MAGI2: variants seen among roughly 807,000 people sequenced by gnomAD.
MAGI2 encodes the protein membrane associated guanylate kinase, WW and PDZ domain containing 2.
A neutral mutation model predicts 133.3 loss-of-function variants in MAGI2; 35 were observed. The observed-to-expected ratio is 0.26, with a 90% CI of 0.20 to 0.35. The LOEUF is 0.35. Among genes scored for constraint, MAGI2 ranks in the 10% least tolerant of loss-of-function variants. The pLI, the probability that MAGI2 is intolerant of heterozygous loss-of-function variation, is 1.00. For missense variants in MAGI2, 1,636 were observed against 1,863.4 expected (o/e 0.88, Z 2.25); for synonymous variants, 729 against 710.6 (o/e 1.03, Z -0.41).
intron 2 of MAGI2, among the ~76,000 whole-genome samples, chr7:78,910,269 T>C (rs965794056): frequency 4.9e-5 from 7 of 142,980 alleles, no homozygotes; most frequent in African/African-American, 2.0e-4. Flanking sequence ...AATTCTTTTT[T>C]TTTTTTTTTT....
In MAGI2 at chr7:78,867,570, T is replaced by C. The variant is rs371522364; in HGVS notation, c.418+139520A>G. On this transcript the variant is annotated intron_variant, in intron 2 of 21. Coordinates refer to ENST00000354212, the MANE Select transcript of MAGI2 (RefSeq NM_012301.4). ...GTGGGGGGAGGGGGGAGGGATAGCATTGGGAGATATACCTAATGCTAGATG... is the reference window on the plus strand; with the variant it reads ...GTGGGGGGAGGGGGGAGGGATAGCACTGGGAGATATACCTAATGCTAGATG... Among the ~76,000 whole-genome samples, 10 of 147,664 alleles carry C rather than the reference T, an allele frequency of 6.8e-5. No homozygotes were observed. The South Asian group carries it at 1.8e-3, about 26-fold the overall frequency.
chr7:79,404,803 CT>C (rs1209151993), intron 1 of MAGI2, among the ~76,000 whole-genome samples: 2 of 152,128 alleles, frequency 1.3e-5, no homozygotes, highest in African/African-American at 2.4e-5. Flanking sequence ...CCCAAATTCC[CT>C]GTCTAATTAA....
At chr7:78,563,286 G>A (rs2150744024) in intron 3 of MAGI2, among the ~76,000 whole-genome samples, 1 of 152,206 alleles carries the variant, frequency 6.6e-6, no homozygotes, top group Non-Finnish European at 1.5e-5. Context: ...TACTAGCTTG[G>A]GGAAATTTTA....
intron 3 of MAGI2, among the ~76,000 whole-genome samples, chr7:78,526,429 G>A (rs1333081979): frequency 1.3e-5 from 2 of 152,158 alleles, no homozygotes; most frequent in Non-Finnish European, 2.9e-5. Flanking sequence ...TACTTGTGAA[G>A]AATCATCTAT....
intron 21 of MAGI2, among the ~76,000 whole-genome samples, chr7:78,056,524 G>C (rs1213221898): frequency 6.6e-6 from 1 of 152,140 alleles, no homozygotes; most frequent in Non-Finnish European, 1.5e-5. Flanking sequence ...GCAGAAACAT[G>C]GTTGGAGCTG....
At chr7:79,449,774 C>G (rs1849106158) in intron 1 of MAGI2, among the ~76,000 whole-genome samples, 1 of 151,312 alleles carries the variant, frequency 6.6e-6, no homozygotes. Flanking sequence ...GGATTAAAAG[C>G]AGAAAGCTTA....
intron 1 of MAGI2, among the ~76,000 whole-genome samples, chr7:79,282,990 G>C (rs1191609844): frequency 6.6e-6 from 1 of 152,128 alleles, no homozygotes; most frequent in Non-Finnish European, 1.5e-5. Context: ...ATGCTTGAAA[G>C]AATGCCAGAT....
chr7:78,317,784 GAGGA>G (rs1787577757), intron 9 of MAGI2, among the ~76,000 whole-genome samples: 1 of 152,204 alleles, frequency 6.6e-6, no homozygotes, highest in Admixed American at 6.5e-5. Flanking sequence ...GAAGCTTCCA[GAGGA>G]AGGAACAGGC....
intron 2 of MAGI2, among the ~76,000 whole-genome samples, chr7:78,930,414 T>C (rs1275204618): frequency 4.6e-5 from 7 of 152,096 alleles, no homozygotes; most frequent in African/African-American, 1.7e-4. Flanking sequence ...ACAGAAATAA[T>C]GTTAGTGAGA....
At chr7:79,181,012 A>G (rs1024458124) in intron 1 of MAGI2, among the ~76,000 whole-genome samples, 1 of 151,946 alleles carries the variant, frequency 6.6e-6, no homozygotes, top group Admixed American at 6.6e-5. Flanking sequence ...GGTCTTGGGC[A>G]GCTCCACCTC....
At chr7:78,274,497 T>C (rs989593705) in intron 9 of MAGI2, among the ~76,000 whole-genome samples, 18 of 152,318 alleles carry the variant, frequency 1.2e-4, no homozygotes, top group South Asian at 4.1e-4. Flanking sequence ...TCTTCAGAGC[T>C]GTCAGGCAGG....
chr7:78,223,800 G>A (rs1016555845), intron 10 of MAGI2, among the ~76,000 whole-genome samples: 1 of 151,950 alleles, frequency 6.6e-6, no homozygotes, highest in Non-Finnish European at 1.5e-5. Flanking sequence ...GAGAATTTAT[G>A]CATTTTTGAA....
chr7:79,206,670 T>C (rs531893466), intron 1 of MAGI2, among the ~76,000 whole-genome samples: 1 of 152,066 alleles, frequency 6.6e-6, no homozygotes, highest in African/African-American at 2.4e-5. Flanking sequence ...ATTCTCAAAC[T>C]CTTCCAAAAA....
chr7:79,130,576 G>T (rs1820843590), intron 1 of MAGI2, among the ~76,000 whole-genome samples: 1 of 152,150 alleles, frequency 6.6e-6, no homozygotes, highest in Non-Finnish European at 1.5e-5. Context: ...TGAGAGTCTA[G>T]TGTCTACTTC....
At chr7:78,561,430 T>C (rs938354052) in intron 3 of MAGI2, among the ~76,000 whole-genome samples, 1 of 152,122 alleles carries the variant, frequency 6.6e-6, no homozygotes, top group Admixed American at 6.5e-5. Context: ...GCCTCCAAAG[T>C]TTTCAGTCAC....
chr7:79,225,789 A>C (rs1431305567), intron 1 of MAGI2, among the ~76,000 whole-genome samples: 1 of 152,182 alleles, frequency 6.6e-6, no homozygotes, highest in Admixed American at 6.5e-5. Context: ...AATCCATGCA[A>C]ATTAAACTGC....
Position 78,019,447 on chromosome 7 carries a change from G to C in MAGI2, c.4236C>G (p.Pro1412=). ...CCCCCGGGGGTCGCGGGCCCGGCCGGGGACCCGCGCGCGCACCCGCCCTGC... is the reference window on the plus strand; with the variant it reads ...CCCCCGGGGGTCGCGGGCCCGGCCGCGGACCCGCGCGCGCACCCGCCCTGC... The part of the protein sequence containing the change: ...AEGRAGARAG[P]RPGPRPPGGA... Residue 1412 remains proline, a synonymous_variant, in exon 22 of 22, where the codon CCC becomes CCG. Transcript: ENST00000354212. The C allele has an allele frequency of 1.0e-6, 1 of 985,798 alleles. No homozygotes were observed. 61.1% of individuals were successfully genotyped at this position (985,798 alleles called of 1,614,324 possible). A position where few individuals can be genotyped will look rare whatever the true frequency, so the allele number is the denominator to read the frequency against.
chr7:78,930,587 C>T (rs1554609983), intron 2 of MAGI2, among the ~76,000 whole-genome samples: 7 of 152,096 alleles, frequency 4.6e-5, no homozygotes, highest in Non-Finnish European at 1.0e-4. Flanking sequence ...TAATTATAAA[C>T]ATGTACTCAC....
At chr7:78,114,399 C>T (rs1451039821) in intron 20 of MAGI2, among the ~76,000 whole-genome samples, 1 of 152,178 alleles carries the variant, frequency 6.6e-6, no homozygotes, top group Non-Finnish European at 1.5e-5. Flanking sequence ...ATTCTGTGCC[C>T]ACGTGACAGT....
Sources: allele counts gnomAD v4.1 joint callset (sites outside exome capture counted in the v4.1 genomes callset), GRCh38; gene constraint gnomAD v4.1.1; transcripts MANE v1.5; gene names NCBI Gene and HGNC (gene_info 2026-07-23, HGNC 2026-07-21).